ADGRB3: variants seen among roughly 807,000 people sequenced by gnomAD.
The protein encoded by ADGRB3 is brain-specific angiogenesis inhibitor 3.
In ADGRB3, 37 loss-of-function variants were observed where a neutral mutation model predicts 193.4. That is an observed-to-expected ratio of 0.19 (90% CI 0.15 to 0.25). The LOEUF is 0.25. Among genes scored for constraint, ADGRB3 ranks in the 10% least tolerant of loss-of-function variants. The pLI, the probability that ADGRB3 is intolerant of heterozygous loss-of-function variation, is 1.00. For missense variants in ADGRB3, 1,637 were observed against 1,852.9 expected, an observed-to-expected ratio of 0.88 and a Z score of 2.14; for synonymous variants, 690 against 644.2, an observed-to-expected ratio of 1.07 and a Z score of -1.08.
At chr6:69,101,751 A>G (rs924802448) in intron 17 of ADGRB3, among the ~76,000 whole-genome samples, 1 of 151,996 alleles carries the variant, frequency 6.6e-6, no homozygotes, top group African/African-American at 2.4e-5. Flanking sequence ...GCCCTATAGG[A>G]TAGTATCATC....
intron 3 of ADGRB3, among the ~76,000 whole-genome samples, chr6:68,900,507 AG>A (rs1766365118): frequency 6.6e-6 from 1 of 152,142 alleles, no homozygotes; most frequent in Admixed American, 6.5e-5. Context: ...AGCTCATCAA[AG>A]ATTGACTTCA....
At chr6:69,165,714 C>T (rs1043135248) in intron 17 of ADGRB3, among the ~76,000 whole-genome samples, 1 of 151,992 alleles carries the variant, frequency 6.6e-6, no homozygotes, top group African/African-American at 2.4e-5. Context: ...TCACCTGTCT[C>T]TCCTCTAAAT....
At chr6:68,879,880 T>C (rs1765688671) in intron 3 of ADGRB3, among the ~76,000 whole-genome samples, 2 of 149,178 alleles carry the variant, frequency 1.3e-5, no homozygotes, top group South Asian at 4.3e-4. Flanking sequence ...TTGATCTTTA[T>C]GTTCAAAAAG....
chr6:68,787,930 G>A (rs1301780279), intron 3 of ADGRB3, among the ~76,000 whole-genome samples: 1 of 152,170 alleles, frequency 6.6e-6, no homozygotes, highest in African/African-American at 2.4e-5. Context: ...AGATTTTCTA[G>A]TTTATTTGCA....
At chr6:69,296,424 G>A (rs1767818952) in intron 20 of ADGRB3, among the ~76,000 whole-genome samples, 1 of 151,994 alleles carries the variant, frequency 6.6e-6, no homozygotes, top group Non-Finnish European at 1.5e-5. Flanking sequence ...TCTCCCAAAT[G>A]CATATTTCGG....
chr6:68,879,918 A>G (rs1388760929), intron 3 of ADGRB3, among the ~76,000 whole-genome samples: 1 of 152,188 alleles, frequency 6.6e-6, no homozygotes, highest in Non-Finnish European at 1.5e-5. Context: ...CAAAGCAGAT[A>G]TGAGGCTTTC....
chr6:68,684,402 C>A (rs1764947320), intron 3 of ADGRB3, among the ~76,000 whole-genome samples: 1 of 152,024 alleles, frequency 6.6e-6, no homozygotes, highest in Non-Finnish European at 1.5e-5. Flanking sequence ...GCTCAATTTC[C>A]ATCTTTTTAT....
intron 17 of ADGRB3, among the ~76,000 whole-genome samples, chr6:69,110,487 A>G (rs1773338699): frequency 6.6e-6 from 1 of 152,194 alleles, no homozygotes; most frequent in South Asian, 2.1e-4. Context: ...ACTATAAAAA[A>G]TGTTTAAAAT....
intron 17 of ADGRB3, among the ~76,000 whole-genome samples, chr6:69,126,729 GCTAT>G (rs5877194): frequency 0.28 from 42,842 of 151,748 alleles, 8,020 homozygotes; most frequent in East Asian, 0.84. Context: ...CACTTTATCA[GCTAT>G]CTGAGTATCC....
chr6:69,161,649 C>G (rs1040479432), intron 17 of ADGRB3, among the ~76,000 whole-genome samples: 2 of 152,092 alleles, frequency 1.3e-5, no homozygotes, highest in Non-Finnish European at 2.9e-5. Context: ...TGTCGTGGGT[C>G]AAGAATCCAG....
intron 3 of ADGRB3, among the ~76,000 whole-genome samples, chr6:68,657,118 A>C (rs1397318575): frequency 1.3e-5 from 2 of 151,464 alleles, no homozygotes. Context: ...CCACTCTTAC[A>C]TCAATCAGAC....
rs1157070451 is a variant in ADGRB3, at chr6:68,772,890, AAAAAATATATATATATATATATAT to A, written c.757+133460_757+133483del. Among the ~76,000 whole-genome samples, 19 of 46,120 alleles carry A rather than the reference AAAAAATATATATATATATATATAT, an allele frequency of 4.1e-4. 1 individual carries two copies. The highest frequency in any genetic ancestry group is 5.8e-4 in the Non-Finnish European group (16 of 27,500). The allele number at this position is 46,120 out of a possible 152,430, so 30.3% of individuals were successfully genotyped here. ...ACAAACAAACAAACAAACAAAAAAA[AAAAAATATATATATATATATATAT>A]ATATATATATATATATATACATACA... On this transcript the variant is annotated intron_variant, in intron 3 of 31. Transcript: ENST00000370598.
At chr6:69,242,837 T>C (rs1372326578) in intron 20 of ADGRB3, among the ~76,000 whole-genome samples, 1 of 151,964 alleles carries the variant, frequency 6.6e-6, no homozygotes, top group Non-Finnish European at 1.5e-5. Context: ...CCAGGATGTC[T>C]TTGTATTGCT....
chr6:68,859,616 T>C (rs1248013528), intron 3 of ADGRB3, among the ~76,000 whole-genome samples: 1 of 152,220 alleles, frequency 6.6e-6, no homozygotes, highest in Non-Finnish European at 1.5e-5. Flanking sequence ...AGAACTTGTG[T>C]AGGGGACCTC....
At chr6:68,711,784 C>G (rs941364712) in intron 3 of ADGRB3, among the ~76,000 whole-genome samples, 2 of 152,064 alleles carry the variant, frequency 1.3e-5, no homozygotes, top group Non-Finnish European at 2.9e-5. Flanking sequence ...AATCATCACT[C>G]AGTTTATATC....
chr6:68,802,983 G>A (rs1434747031), intron 3 of ADGRB3, among the ~76,000 whole-genome samples: 1 of 151,850 alleles, frequency 6.6e-6, no homozygotes, highest in Non-Finnish European at 1.5e-5. Context: ...GTTGTCACTG[G>A]CCCCTGTCCC....
chr6:68,871,678 A>T (rs1475663506), intron 3 of ADGRB3, among the ~76,000 whole-genome samples: 1 of 152,086 alleles, frequency 6.6e-6, no homozygotes, highest in Non-Finnish European at 1.5e-5. Context: ...TTCCATTTGA[A>T]GTTTTTAATA....
chr6:69,346,884 G>A (rs1470685601), intron 26 of ADGRB3, among the ~76,000 whole-genome samples: 1 of 151,956 alleles, frequency 6.6e-6, no homozygotes, highest in Admixed American at 6.6e-5. Context: ...ACATCACTCA[G>A]CTTGCTATAA....
At chr6:69,212,222 T>C (rs542709352) in intron 17 of ADGRB3, among the ~76,000 whole-genome samples, 1 of 152,342 alleles carries the variant, frequency 6.6e-6, no homozygotes, top group East Asian at 1.9e-4. Context: ...ACGTGTTTTA[T>C]GATGGCCTTT....
Sources: gnomAD v4.1 joint callset for allele counts (sites outside exome capture counted in the v4.1 genomes callset) on GRCh38, gnomAD v4.1.1 for gene constraint, MANE v1.5 for transcripts, NCBI Gene and HGNC (gene_info 2026-07-23, HGNC 2026-07-21) for gene names.